The following COX20 variants were observed in gnomAD, a reference collection of about 807,000 sequenced individuals.
The protein encoded by COX20 is cytochrome c oxidase assembly protein COX20, mitochondrial.
A neutral mutation model predicts 14.3 loss-of-function variants in COX20; 14 were observed. The ratio of observed to expected loss-of-function variants is 0.98; its 90% confidence interval spans 0.65 to 1.53. COX20 has a LOEUF of 1.53. COX20 is among the 40% of genes most tolerant of loss of function. The probability of loss-of-function intolerance (pLI) is 0.00; values close to 1 mark genes in which losing one functional copy is unlikely to be tolerated. For missense variants in COX20, 149 were observed against 142.1 expected (o/e 1.05, Z -0.25); for synonymous variants, 56 against 51.7 (o/e 1.08, Z -0.36).
At position 244,843,869 on chromosome 1, in the gene COX20, A is replaced by G. The variant is rs1469278567; in HGVS notation, c.*693A>G. The G allele has an allele frequency of 6.6e-6, 1 of 152,226 alleles. No homozygotes were observed. The highest frequency in any genetic ancestry group is 2.4e-5 in the African/African-American group (1 of 41,462). 9.4% of individuals were successfully genotyped at this position (152,226 alleles called of 1,614,324 possible). On this transcript the variant is annotated 3_prime_UTR_variant, in exon 4 of 4. Transcript: ENST00000411948. ...ATGTAAACAATCCATTTGAAAGTCA[A>G]TCAGCTGCTCCCATTAAAATATTAT...
chr1:244,835,327 G>C (rs1679922647), upstream of COX20: 1 of 178,446 alleles, frequency 5.6e-6, no homozygotes, highest in Admixed American at 6.3e-5. Flanking sequence ...CACGCGCGCC[G>C]GAGACGGTTA....
At position 244,836,553 on chromosome 1, in the gene COX20, G is replaced by C. The variant is rs568360512; in HGVS notation, c.42+797G>C. 5.9e-6 allele frequency: 9 copies of C among 1,535,654 alleles called. No individual in the cohort carries two copies. The East Asian group carries it at 2.0e-4, about 33-fold the overall frequency. ...ATGATCTTGTTTTCCTCTTTTCCTG[G>C]GCTCCTTATTAAGAGCAGGGAACCT... On this transcript the variant is annotated intron_variant, in intron 1 of 3. Coordinates refer to ENST00000411948, the MANE Select transcript of COX20 (RefSeq NM_198076.6).
upstream of COX20, chr1:244,835,419 A>C: frequency 1.8e-5 from 6 of 331,022 alleles, no homozygotes; most frequent in East Asian, 9.2e-5. Context: ...CTCGCCAGGA[A>C]TCTAGGAGTC....
intron 1 of COX20, among the ~76,000 whole-genome samples, chr1:244,839,421 AAAAATGT>A (rs1440617249): frequency 6.6e-6 from 1 of 151,540 alleles, no homozygotes; most frequent in East Asian, 2.2e-4. Context: ...TCTAAGCTTA[AAAAATGT>A]CTGACATTTC....
At chr1:244,840,955 C>G (rs1680177226) in intron 1 of COX20, 1 of 152,148 alleles carries the variant, frequency 6.6e-6, no homozygotes, top group Non-Finnish European at 1.5e-5. Context: ...TTAAAAGCAG[C>G]CTTACTGAAA....
At chr1:244,839,560 C>T (rs571108440) in intron 1 of COX20, among the ~76,000 whole-genome samples, 1 of 152,128 alleles carries the variant, frequency 6.6e-6, no homozygotes, top group East Asian at 1.9e-4. Flanking sequence ...AGAATATTTC[C>T]GTATATAAAT....
intron 3 of COX20, chr1:244,842,647 A>G (rs542062519): frequency 6.9e-5 from 17 of 247,982 alleles, no homozygotes; most frequent in Middle Eastern, 1.5e-3. Context: ...TGTATGTACT[A>G]TATGGTTCCA....
chr1:244,841,883 C>G, intron 1 of COX20, 61 bp from the exon 2 acceptor site: 1 of 1,058,460 alleles, frequency 9.4e-7, no homozygotes, highest in Admixed American at 2.1e-5. Context: ...GTCATTTTTG[C>G]CAAAGCACCC....
Position 244,837,181 on chromosome 1 carries a change from G to A in COX20, c.42+1425G>A, listed in dbSNP as rs562580779. Among the ~76,000 whole-genome samples, 3 of 152,168 alleles carry A rather than the reference G, an allele frequency of 2.0e-5. No homozygotes were observed. In the South Asian group the frequency reaches 6.2e-4, roughly 32 times the overall value. ...CATCAGTAAGTAGCAAAACAATACT[G>A]TAGTTGTTGAAATGAAGATAGTTAT... On this transcript the variant is annotated intron_variant, in intron 1 of 3. Coordinates refer to ENST00000411948, the MANE Select transcript of COX20 (RefSeq NM_198076.6).
chr1:244,842,171 T>G lies in COX20; in HGVS notation c.158-24T>G, dbSNP rs1340481247. The G allele has an allele frequency of 2.6e-6, 4 of 1,544,962 alleles. 1 individual carries two copies. In the South Asian group the frequency reaches 4.5e-5, roughly 17 times the overall value. ...GTATATAACGTAATTATATTCTAAT[T>G]AATTGTTATGCTTATTTTTACAGGT... On this transcript the variant is annotated intron_variant, in intron 2 of 3. Transcript: ENST00000411948.
At chr1:244,835,392 C>T, upstream of COX20, 1 of 298,030 alleles carries the variant, frequency 3.4e-6, no homozygotes, top group Non-Finnish European at 6.2e-6. Context: ...GGCTGTCTGG[C>T]TCGGTTACGC....
intron 1 of COX20, chr1:244,840,603 G>A (rs987358471): frequency 4.9e-5 from 7 of 143,606 alleles, no homozygotes; most frequent in African/African-American, 2.0e-4. Flanking sequence ...GGGTGGGAAC[G>A]GGGCCAGACA....
Position 244,843,146 on chromosome 1 carries a change from A to G in COX20, c.327A>G (p.Glu109=), listed in dbSNP as rs749004480. The G allele has an allele frequency of 2.7e-5, 43 of 1,593,070 alleles. No homozygotes were observed. The highest frequency in any genetic ancestry group is 3.6e-5 in the Non-Finnish European group (42 of 1,174,402). ...ATGAAGGTACCCACCTCGATCCTGA[A>G]AGAAAACACAACGGCAGCAGCAGCA... is the stretch of plus-strand genomic sequence containing the variant. ...ILYEGTHLDP[E]RKHNGSSSN is the part of the protein sequence containing the mutation. The change falls in exon 4 of 4, where the codon GAA becomes GAG. Residue 109 remains glutamate (E), a synonymous_variant. Transcript: ENST00000411948.
chr1:244,836,503 C>A (rs918985665), intron 1 of COX20: 2 of 1,550,584 alleles, frequency 1.3e-6, no homozygotes, highest in Non-Finnish European at 1.7e-6. Flanking sequence ...TACGTCGTTA[C>A]ATTTATCATA....
At chr1:244,839,709 G>A (rs937420781) in intron 1 of COX20, 2 of 152,138 alleles carry the variant, frequency 1.3e-5, no homozygotes, top group African/African-American at 4.8e-5. Flanking sequence ...AGAAATTGCA[G>A]GGATTTATGT....
At chr1:244,841,033 G>A (rs41269397) in intron 1 of COX20, 3 of 152,190 alleles carry the variant, frequency 2.0e-5, no homozygotes, top group Non-Finnish European at 4.4e-5. Context: ...TAACAGAAAT[G>A]CCAGTTCAGC....
chr1:244,836,379 G>A (rs1229380211), intron 1 of COX20: 12 of 932,664 alleles, frequency 1.3e-5, no homozygotes, highest in Non-Finnish European at 1.9e-5. Context: ...TCTCTTTAAG[G>A]ATAAAACCCA....
intron 3 of COX20, 121 bp from the exon 4 acceptor site, chr1:244,842,920 A>G: frequency 1.4e-6 from 1 of 724,646 alleles, no homozygotes; most frequent in Non-Finnish European, 2.1e-6. Flanking sequence ...ATTAGAACAT[A>G]TTTTTCAGTC....
chr1:244,835,724 C>T lies in COX20; in HGVS notation c.10C>T (p.Pro4Ser), dbSNP rs1330116844. 4 of 1,268,748 alleles carry T rather than the reference C, an allele frequency of 3.2e-6. No individual in the cohort carries two copies. The highest frequency in any genetic ancestry group is 3.8e-5 in the Admixed American group (1 of 26,190). The allele number at this position is 1,268,748 out of a possible 1,614,324, so 78.6% of individuals were successfully genotyped here. A position where few individuals can be genotyped will look rare whatever the true frequency, so the allele number is the denominator to read the frequency against. MAA[P>S]PEPGEPEERK... is the part of the protein sequence containing the mutation. The stretch of plus-strand genomic sequence containing the variant: ...TCGCGGAGTAGTCCTCATGGCCGCC[C>T]CGCCGGAGCCCGGTGAGCCCGAGGA... Residue 4 changes from proline to serine, a missense_variant, in exon 1 of 4, where the codon CCG becomes TCG. Pro to Ser is a moderately conservative substitution (Grantham distance 74, BLOSUM62 -1). Coordinates refer to ENST00000411948, the MANE Select transcript of COX20 (RefSeq NM_198076.6).
Sources: allele counts gnomAD v4.1 joint callset (sites outside exome capture counted in the v4.1 genomes callset), GRCh38; gene constraint gnomAD v4.1.1; transcripts MANE v1.5; gene names NCBI Gene and HGNC (gene_info 2026-07-23, HGNC 2026-07-21).